Variants in ZNF664 observed in about 807,000 individuals in gnomAD.
ZNF664 encodes zinc finger protein 664.
Under a neutral mutation model 18.2 loss-of-function variants are expected in ZNF664, and 10 were observed. The observed-to-expected ratio is 0.55, with a 90% CI of 0.34 to 0.93. The LOEUF (loss-of-function observed/expected upper bound fraction) is 0.93. Among genes scored for constraint, ZNF664 ranks in the 40% least tolerant of loss-of-function variants. The pLI is 0.02. For synonymous variants in ZNF664, 119 were observed against 104.2 expected (o/e 1.14, Z -0.86); for missense variants, 193 against 319.0 (o/e 0.61, Z 3.01).
At chr12:123,985,726 G>A (rs1022600680) in intron 2 of ZNF664, among the ~76,000 whole-genome samples, 4 of 152,202 alleles carry the variant, frequency 2.6e-5, no homozygotes, top group African/African-American at 9.7e-5. Context: ...TCCAAGGGGT[G>A]GAATGGCAGG....
chr12:124,013,733 T>A lies in ZNF664; in HGVS notation c.*803T>A. The A allele has an allele frequency of 1.2e-5, 2 of 167,234 alleles. No individual in the cohort carries two copies. 10.4% of individuals were successfully genotyped at this position (167,234 alleles called of 1,614,324 possible). A position where few individuals can be genotyped will look rare whatever the true frequency, so the allele number is the denominator to read the frequency against. ...AGGAAGAAGCAAGCAAAGTGAGAGC[T>A]TTTCTTCATCCAGAATTGCCCTCTG... On this transcript the variant is annotated 3_prime_UTR_variant, in exon 5 of 5. Coordinates refer to ENST00000337815, the MANE Select transcript of ZNF664 (RefSeq NM_152437.3).
At chr12:123,978,932 G>T (rs532101920) in intron 2 of ZNF664, among the ~76,000 whole-genome samples, 1 of 152,164 alleles carries the variant, frequency 6.6e-6, no homozygotes, top group African/African-American at 2.4e-5. Context: ...TGTTGTATAG[G>T]GATAAGTGGC....
chr12:123,996,839 G>A (rs932216564), intron 3 of ZNF664, among the ~76,000 whole-genome samples: 3 of 152,138 alleles, frequency 2.0e-5, no homozygotes, highest in African/African-American at 7.2e-5. Flanking sequence ...GAAGTAGGCT[G>A]GGTGCCCCAT....
chr12:123,977,410 A>G (rs1956706796), intron 2 of ZNF664, among the ~76,000 whole-genome samples: 1 of 150,846 alleles, frequency 6.6e-6, no homozygotes, highest in Non-Finnish European at 1.5e-5. Context: ...TATATGTATA[A>G]AATTAATAGC....
At chr12:124,008,927 G>GGA (rs1312715369) in intron 3 of ZNF664, among the ~76,000 whole-genome samples, 1 of 151,970 alleles carries the variant, frequency 6.6e-6, no homozygotes, top group Non-Finnish European at 1.5e-5. Flanking sequence ...CTCTTGGTGG[G>GGA]GAGAGGATTT....
chr12:123,997,358 G>A (rs1158048847), intron 3 of ZNF664, among the ~76,000 whole-genome samples: 1 of 152,186 alleles, frequency 6.6e-6, no homozygotes, highest in Non-Finnish European at 1.5e-5. Context: ...CCACAAGCTG[G>A]GAGGCTTAAA....
At chr12:124,008,397 C>G (rs565169892) in intron 3 of ZNF664, among the ~76,000 whole-genome samples, 2 of 152,120 alleles carry the variant, frequency 1.3e-5, no homozygotes, top group African/African-American at 4.8e-5. Context: ...ATGCTAAGAT[C>G]GATCCCTGGC....
Position 124,011,638 on chromosome 12 carries a change from T to A in ZNF664, c.-507T>A. 9.9e-7 allele frequency: 1 copy of A among 1,006,256 alleles called. No individual in the cohort carries two copies. The allele number at this position is 1,006,256 out of a possible 1,614,324, so 62.3% of individuals were successfully genotyped here. Reference sequence around the variant, plus strand: ...CCTGCTTGCTGGAAAGGCTTTCCTGTCTGATGTGCAGGAGGCAGAATGCCA... The same window carrying A: ...CCTGCTTGCTGGAAAGGCTTTCCTGACTGATGTGCAGGAGGCAGAATGCCA... On this transcript the variant is annotated 5_prime_UTR_variant, in exon 5 of 5. Transcript: ENST00000337815.
intron 3 of ZNF664, among the ~76,000 whole-genome samples, chr12:124,000,960 A>T (rs1435881932): frequency 6.6e-6 from 1 of 152,110 alleles, no homozygotes; most frequent in Non-Finnish European, 1.5e-5. Context: ...AGTTCCATCC[A>T]TCTAGCTGCT....
chr12:124,008,577 T>C (rs1457559364), intron 3 of ZNF664, among the ~76,000 whole-genome samples: 1 of 152,228 alleles, frequency 6.6e-6, no homozygotes. Context: ...GGAAATAGGA[T>C]AGATGCTTCT....
At chr12:123,996,864 A>AT (rs1381727828) in intron 3 of ZNF664, among the ~76,000 whole-genome samples, 1 of 152,168 alleles carries the variant, frequency 6.6e-6, no homozygotes, top group Non-Finnish European at 1.5e-5. Context: ...TATGTATTAT[A>AT]TACAAAACCC....
At chr12:123,973,727 G>A in intron 1 of ZNF664, 159 bp from the exon 2 acceptor site, 1 of 1,188,708 alleles carries the variant, frequency 8.4e-7, no homozygotes, top group Non-Finnish European at 1.0e-6. Flanking sequence ...TGTTGGAGCC[G>A]AGGGAAGGGG....
intron 3 of ZNF664, among the ~76,000 whole-genome samples, chr12:123,995,680 T>C (rs1016735840): frequency 6.6e-6 from 1 of 152,212 alleles, no homozygotes; most frequent in African/African-American, 2.4e-5. Flanking sequence ...AATTTTAGAA[T>C]GGAAGGGGAC....
At chr12:123,996,749 T>G (rs1286584797) in intron 3 of ZNF664, among the ~76,000 whole-genome samples, 3 of 152,248 alleles carry the variant, frequency 2.0e-5, no homozygotes, top group Non-Finnish European at 4.4e-5. Context: ...TGCAGGGCTC[T>G]GTCCTCATTG....
At position 123,973,896 on chromosome 12, in the gene ZNF664, G is replaced by T; in HGVS notation, c.-881G>T. ...CTGTGTGTTTTTCAGGGCGCCCTGCGTCCGGCAGAGGAGGCGAGCATCCCG... is the reference window on the plus strand; with the variant it reads ...CTGTGTGTTTTTCAGGGCGCCCTGCTTCCGGCAGAGGAGGCGAGCATCCCG... On this transcript the variant is annotated 5_prime_UTR_variant, in exon 2 of 5. Transcript: ENST00000337815. The T allele has an allele frequency of 8.1e-7, 1 of 1,231,904 alleles. No individual in the cohort carries two copies. The highest frequency in any genetic ancestry group is 1.0e-6 in the Non-Finnish European group (1 of 988,114). 76.3% of individuals were successfully genotyped at this position (1,231,904 alleles called of 1,614,324 possible).
At chr12:123,974,973 G>A (rs1348790808) in intron 2 of ZNF664, among the ~76,000 whole-genome samples, 1 of 152,220 alleles carries the variant, frequency 6.6e-6, no homozygotes, top group Non-Finnish European at 1.5e-5. Context: ...CATTTATGAT[G>A]AAGTTCTCTT....
rs1362786505 is a variant in ZNF664 at position 124,014,176 on chromosome 12, G to GGGT, written c.*1249_*1251dup. On this transcript the variant is annotated 3_prime_UTR_variant, in exon 5 of 5. Coordinates refer to ENST00000337815, the MANE Select transcript of ZNF664 (RefSeq NM_152437.3). ...AACTAGGGTGATGATTTTAGTGGTG[G>GGGT]GGTGGGGTGGGGGTGGGGTGACATT... 1 of 166,794 alleles carries GGGT rather than the reference G, an allele frequency of 6.0e-6. No homozygotes were observed. The highest frequency in any genetic ancestry group is 2.4e-5 in the African/African-American group (1 of 41,316). The allele number at this position is 166,794 out of a possible 1,614,324, so 10.3% of individuals were successfully genotyped here.
intron 2 of ZNF664, among the ~76,000 whole-genome samples, chr12:123,978,834 G>C (rs1008226176): frequency 1.2e-4 from 19 of 152,186 alleles, no homozygotes; most frequent in African/African-American, 4.6e-4. Context: ...GAGCAAAGTA[G>C]AATCCAGTAA....
chr12:123,987,761 C>T (rs12313595), intron 2 of ZNF664, among the ~76,000 whole-genome samples: 2 of 152,140 alleles, frequency 1.3e-5, no homozygotes, highest in African/African-American at 2.4e-5. Context: ...ATCTGGTTCC[C>T]ATCACGAGGC....
Sources: gnomAD v4.1 joint callset for allele counts (sites outside exome capture counted in the v4.1 genomes callset) on GRCh38, gnomAD v4.1.1 for gene constraint, MANE v1.5 for transcripts, NCBI Gene and HGNC (gene_info 2026-07-23, HGNC 2026-07-21) for gene names.